CNTN3: variants seen among roughly 807,000 people sequenced by gnomAD.
CNTN3 encodes the protein contactin-3.
A neutral mutation model predicts 119.1 loss-of-function variants in CNTN3; 60 were observed. The ratio of observed to expected loss-of-function variants is 0.50; its 90% CI spans 0.41 to 0.62. The LOEUF (loss-of-function observed/expected upper bound fraction) is 0.62, where lower values mean the gene tolerates loss of function less well. CNTN3 is among the 20% of genes least tolerant of loss of function. The pLI is 0.00. For synonymous variants in CNTN3, 450 were observed against 438.7 expected, an observed-to-expected ratio of 1.03 and a Z score of -0.32; for missense variants, 1,101 against 1,242.4, an observed-to-expected ratio of 0.89 and a Z score of 1.71.
intron 3 of CNTN3, among the ~76,000 whole-genome samples, chr3:74,495,534 C>A (rs973630167): frequency 6.6e-6 from 1 of 151,816 alleles, no homozygotes; most frequent in South Asian, 2.1e-4. Flanking sequence ...ACTCTGTGTG[C>A]CTAGATATAT....
chr3:74,266,996 G>A (rs1701673781), intron 21 of CNTN3, among the ~76,000 whole-genome samples: 3 of 152,068 alleles, frequency 2.0e-5, no homozygotes, highest in African/African-American at 7.2e-5. Flanking sequence ...TTTTTAAGTA[G>A]TATATAGGTC....
chr3:74,497,461 G>C (rs1703085461), intron 3 of CNTN3, among the ~76,000 whole-genome samples: 1 of 151,868 alleles, frequency 6.6e-6, no homozygotes, highest in Admixed American at 6.6e-5. Context: ...ATAACAAGGG[G>C]TTGTTTCTTC....
At chr3:74,296,810 A>G (rs1702346410) in intron 18 of CNTN3, among the ~76,000 whole-genome samples, 1 of 152,036 alleles carries the variant, frequency 6.6e-6, no homozygotes. Context: ...TTTATTTGAA[A>G]TATCAAATTA....
chr3:74,487,046 T>C (rs1702872620), intron 3 of CNTN3, among the ~76,000 whole-genome samples: 1 of 152,186 alleles, frequency 6.6e-6, no homozygotes, highest in African/African-American at 2.4e-5. Context: ...ACTGAGCACA[T>C]TTAATAAATT....
intron 4 of CNTN3, among the ~76,000 whole-genome samples, chr3:74,483,179 G>T (rs1221082748): frequency 6.6e-6 from 1 of 151,980 alleles, no homozygotes; most frequent in Non-Finnish European, 1.5e-5. Context: ...TCAATATATA[G>T]GGAATAAATA....
At chr3:74,608,339 T>C (rs1705026696) in intron 1 of CNTN3, among the ~76,000 whole-genome samples, 1 of 152,176 alleles carries the variant, frequency 6.6e-6, no homozygotes, top group Non-Finnish European at 1.5e-5. Context: ...TTTCCCCCAT[T>C]TATAAGTAAT....
intron 3 of CNTN3, among the ~76,000 whole-genome samples, chr3:74,493,540 CTGGGATT>C (rs556776979): frequency 3.3e-5 from 5 of 152,140 alleles, no homozygotes; most frequent in Admixed American, 3.3e-4. Context: ...TTGGGGGGGT[CTGGGATT>C]TGGGTTTAGG....
intron 2 of CNTN3, among the ~76,000 whole-genome samples, chr3:74,505,502 TAC>T (rs139877872): frequency 5.5e-4 from 80 of 146,256 alleles, no homozygotes; most frequent in South Asian, 1.5e-3. Flanking sequence ...TGTGCATAAA[TAC>T]ACACACACAC....
At chr3:74,271,886 T>C (rs532228684) in intron 20 of CNTN3, among the ~76,000 whole-genome samples, 11 of 152,260 alleles carry the variant, frequency 7.2e-5, no homozygotes, top group African/African-American at 2.6e-4. Context: ...TCAAAGGAAA[T>C]TGACACAATG....
At chr3:74,529,296 T>C (rs768130884) in intron 1 of CNTN3, among the ~76,000 whole-genome samples, 33 of 152,066 alleles carry the variant, frequency 2.2e-4, no homozygotes, top group East Asian at 5.9e-4. Flanking sequence ...CGTTAAAATA[T>C]TTCAAACAGT....
chr3:74,415,735 T>C (rs955546696), intron 5 of CNTN3, among the ~76,000 whole-genome samples: 2 of 152,180 alleles, frequency 1.3e-5, no homozygotes, highest in African/African-American at 4.8e-5. Context: ...AGGCAGTCTT[T>C]CGTCCTTAAT....
chr3:74,328,361 G>C (rs1703179691), intron 13 of CNTN3, among the ~76,000 whole-genome samples: 1 of 151,962 alleles, frequency 6.6e-6, no homozygotes, highest in Non-Finnish European at 1.5e-5. Flanking sequence ...TTGCTTTTAA[G>C]GTTTGCCATG....
intron 4 of CNTN3, among the ~76,000 whole-genome samples, chr3:74,459,315 G>A (rs1398180775): frequency 6.6e-5 from 10 of 151,860 alleles, no homozygotes; most frequent in African/African-American, 1.2e-4. Flanking sequence ...CTTCCTCTGC[G>A]TATTTCCTGA....
chr3:74,549,914 G>C (rs983317307), intron 1 of CNTN3, among the ~76,000 whole-genome samples: 1 of 152,214 alleles, frequency 6.6e-6, no homozygotes, highest in African/African-American at 2.4e-5. Context: ...GCCATCTGCA[G>C]TGGAGAACTA....
At chr3:74,272,825 G>A (rs1701805656) in intron 20 of CNTN3, among the ~76,000 whole-genome samples, 1 of 152,078 alleles carries the variant, frequency 6.6e-6, no homozygotes, top group Admixed American at 6.5e-5. Context: ...TATGTTCCTA[G>A]TATTTAAAAA....
chr3:74,455,459 T>A (rs1702249627), intron 4 of CNTN3, among the ~76,000 whole-genome samples: 1 of 151,996 alleles, frequency 6.6e-6, no homozygotes. Flanking sequence ...TTTCCTCCTG[T>A]AGCTCGTAGT....
At chr3:74,517,631 A>G (rs1313314047) in intron 2 of CNTN3, among the ~76,000 whole-genome samples, 2 of 151,782 alleles carry the variant, frequency 1.3e-5, no homozygotes, top group Admixed American at 6.6e-5. Context: ...GCTTTTCCTC[A>G]GACATCCTCT....
At chr3:74,317,623 C>T (rs1245776840) in intron 13 of CNTN3, among the ~76,000 whole-genome samples, 1 of 152,086 alleles carries the variant, frequency 6.6e-6, no homozygotes, top group Admixed American at 6.5e-5. Flanking sequence ...ATATGAAATT[C>T]TGGGTTGAAA....
intron 4 of CNTN3, among the ~76,000 whole-genome samples, chr3:74,475,440 G>A (rs1285936190): frequency 6.6e-6 from 1 of 152,162 alleles, no homozygotes; most frequent in African/African-American, 2.4e-5. Context: ...CTTAGGTTCA[G>A]TTGCCCATGT....
Sources: allele counts gnomAD v4.1 joint callset (sites outside exome capture counted in the v4.1 genomes callset), GRCh38; gene constraint gnomAD v4.1.1; transcripts MANE v1.5; gene names NCBI Gene and HGNC (gene_info 2026-07-23, HGNC 2026-07-21).